POM121C: variants seen among roughly 807,000 people sequenced by gnomAD.
POM121C encodes the protein nuclear envelope pore membrane protein POM 121C.
In POM121C, 20 loss-of-function variants were observed where a neutral mutation model predicts 66.4. That is an observed-to-expected ratio of 0.30 (90% CI 0.21 to 0.44). The LOEUF (loss-of-function observed/expected upper bound fraction) is 0.44, where lower values mean the gene tolerates loss of function less well. Ranked by LOEUF, POM121C falls within the 20% of genes least tolerant of loss-of-function variation. POM121C has a pLI of 1.00. For synonymous variants in POM121C, 286 were observed against 528.0 expected (o/e 0.54, Z 6.28); for missense variants, 580 against 1,225.7 (o/e 0.47, Z 7.87).
At chr7:75,478,212 A>G (rs1180653499) in intron 1 of POM121C, among the ~76,000 whole-genome samples, 2 of 152,100 alleles carry the variant, frequency 1.3e-5, no homozygotes, top group Non-Finnish European at 2.9e-5. Context: ...TGATCCGCCC[A>G]CCTTAGCCTT....
rs781924937 is a variant in POM121C at position 75,422,165 on chromosome 7, G to A, written c.2087C>T (p.Pro696Leu). The A allele has an allele frequency of 1.6e-4, 251 of 1,604,732 alleles. No individual in the cohort carries two copies. Among genetic ancestry groups the A allele is most frequent in the Middle Eastern group, 1.3e-3 (6 of 4,516 alleles). Residue 696 changes from proline (P) to leucine (L), a missense_variant, in exon 13 of 15, where the codon CCA becomes CTA. Transcript: ENST00000615331. Reference protein sequence around the residue: ...PFGSSAKSPLPSYPGANPQPA... With the variant: ...PFGSSAKSPLLSYPGANPQPA... ...CTGGGGGTTGGCTCCCGGATATGATGGGAGCGGGGACTTGGCGCTTGAGCC... is the reference window on the plus strand; with the variant it reads ...CTGGGGGTTGGCTCCCGGATATGATAGGAGCGGGGACTTGGCGCTTGAGCC...
intron 3 of POM121C, among the ~76,000 whole-genome samples, chr7:75,473,923 T>C (rs1258490218): frequency 1.3e-5 from 2 of 151,984 alleles, no homozygotes; most frequent in African/African-American, 4.8e-5. Context: ...CTCCTGACCT[T>C]GTGATCCGCC....
chr7:75,420,364 T>C (rs1218997998), intron 13 of POM121C: 3 of 152,398 alleles, frequency 2.0e-5, no homozygotes, highest in Non-Finnish European at 2.9e-5. Context: ...CTGAGCTGCA[T>C]CGGGGCACTG....
rs1554470284 is a variant in POM121C, at chr7:75,419,390, T to C, written c.2796A>G (p.Thr932=). 3 of 1,613,836 alleles carry C rather than the reference T, an allele frequency of 1.9e-6. No homozygotes were observed. The highest frequency in any genetic ancestry group is 1.3e-5 in the African/African-American group (1 of 75,032). The change falls in exon 14 of 15, where the codon ACA becomes ACG. Residue 932 remains threonine, a synonymous_variant. Coordinates refer to ENST00000615331, the MANE Select transcript of POM121C (RefSeq NM_001099415.3). Reference sequence around the variant, plus strand: ...CCCCAAAGGAGAGGCTGCTGCCCGATGTGCCCACTCCAGGCGCAGGGGTGT... The same window carrying C: ...CCCCAAAGGAGAGGCTGCTGCCCGACGTGCCCACTCCAGGCGCAGGGGTGT... The part of the protein sequence containing the change: ...GQNTPAPGVG[T]SGSSLSFGAS...
intron 1 of POM121C, among the ~76,000 whole-genome samples, chr7:75,485,513 G>C (rs1379676443): frequency 2.0e-5 from 3 of 152,162 alleles, no homozygotes; most frequent in Non-Finnish European, 2.9e-5. Context: ...GGTCTAAGGG[G>C]GGGGATCAGC....
In POM121C at chr7:75,422,018, G is replaced by A. The variant is rs782430246; in HGVS notation, c.2234C>T (p.Thr745Ile). ...CTTGATCGTGGACGCAGGTGCAGGT[G>A]TGGGTGCAGTAGCCGGGGCCGGGGC... Reference protein sequence around the residue: ...SAAPAPATAPTPAPASTIKIV... With the variant: ...SAAPAPATAPIPAPASTIKIV... Residue 745 changes from threonine to isoleucine, a missense_variant, in exon 13 of 15, where the codon ACA becomes ATA. By Grantham distance (89) the Thr-to-Ile change is moderately conservative. Transcript: ENST00000615331. 4 of 1,613,710 alleles carry A rather than the reference G, an allele frequency of 2.5e-6. No homozygotes were observed. The highest frequency in any genetic ancestry group is 1.1e-5 in the South Asian group (1 of 91,076).
rs1171072984 is a variant in POM121C, at chr7:75,440,526, C to T, written c.227+428G>A. 3 of 192,490 alleles carry T rather than the reference C, an allele frequency of 1.6e-5. No individual in the cohort carries two copies. In the Admixed American group the frequency reaches 1.6e-4, roughly 11 times the overall value. 11.9% of individuals were successfully genotyped at this position (192,490 alleles called of 1,614,324 possible). On this transcript the variant is annotated intron_variant, in intron 5 of 14. Coordinates refer to ENST00000615331, the MANE Select transcript of POM121C (RefSeq NM_001099415.3). ...GAGCTTGCAGTGAGCTGAGATCGGG[C>T]CACTGCACTCCAGCCTGGGGGACAG...
At position 75,442,742 on chromosome 7, in the gene POM121C, G is replaced by C. The variant is rs1450419759; in HGVS notation, c.-151-1095C>G. 34 of 1,343,210 alleles carry C rather than the reference G, an allele frequency of 2.5e-5. No homozygotes were observed. The African/African-American group carries it at 3.7e-4, about 15-fold the overall frequency. 83.2% of individuals were successfully genotyped at this position (1,343,210 alleles called of 1,614,324 possible). On this transcript the variant is annotated intron_variant, in intron 3 of 14. Transcript: ENST00000615331. ...CATCGCGGCTCCGCGCCGCGGAGGA[G>C]ACTTAAATATCCCAGCGTGCACCGC...
chr7:75,424,549 T>C lies in POM121C; in HGVS notation c.848A>G (p.Asn283Ser), dbSNP rs782238143. ...ACCACTCTTGTCCTCCAAGGCCTGG[T>C]TGAACCACTGTAATGAAGCCTTCTT... ...LEKKASLQWFNQALEDKSDAA... is the reference protein window; with the variant it reads ...LEKKASLQWFSQALEDKSDAA... Residue 283 changes from asparagine to serine, a missense_variant, in exon 11 of 15, where the codon AAC (asparagine) becomes AGC (serine). Coordinates refer to ENST00000615331, the MANE Select transcript of POM121C (RefSeq NM_001099415.3). 4.4e-5 allele frequency: 71 copies of C among 1,613,862 alleles called. 1 individual carries two copies. The highest frequency in any genetic ancestry group is 1.6e-4 in the Middle Eastern group (1 of 6,078).
intron 3 of POM121C, among the ~76,000 whole-genome samples, chr7:75,462,831 A>C (rs1269221377): frequency 4.6e-5 from 7 of 151,652 alleles, no homozygotes; most frequent in African/African-American, 9.8e-5. Context: ...ATGGGAGAAG[A>C]AGCTGTGGAG....
intron 3 of POM121C, among the ~76,000 whole-genome samples, chr7:75,448,811 A>C (rs1179608719): frequency 3.3e-5 from 5 of 151,678 alleles, no homozygotes; most frequent in Admixed American, 6.6e-5. Context: ...AAAAAAAAAA[A>C]ACCAAATAAT....
chr7:75,458,318 C>T (rs1463685751), intron 3 of POM121C, among the ~76,000 whole-genome samples: 1 of 152,152 alleles, frequency 6.6e-6, no homozygotes, highest in African/African-American at 2.4e-5. Context: ...ACACTTGAGC[C>T]CAGGAGTTCA....
rs1320555318 is a variant in POM121C, at chr7:75,465,610, G to A, written c.-152+9094C>T. Reference sequence around the variant, plus strand: ...TCTACTGAAAAGACAAAAATTAGCCGGGCATGGTGGCAGGCACTTGTAATC... The same window carrying A: ...TCTACTGAAAAGACAAAAATTAGCCAGGCATGGTGGCAGGCACTTGTAATC... On this transcript the variant is annotated intron_variant, in intron 3 of 14. Transcript: ENST00000615331. Among the ~76,000 whole-genome samples the A allele has an allele frequency of 8.6e-5, 13 of 151,456 alleles. No homozygotes were observed. The South Asian group carries it at 1.0e-3, about 12-fold the overall frequency.
intron 1 of POM121C, chr7:75,484,264 G>A (rs199560242): frequency 6.0e-5 from 94 of 1,579,258 alleles, no homozygotes; most frequent in Non-Finnish European, 7.7e-5. Flanking sequence ...GACCTAGAGG[G>A]GCAGAAGCAG....
intron 3 of POM121C, chr7:75,442,712 G>A (rs1359593956): frequency 4.5e-5 from 62 of 1,375,724 alleles, no homozygotes; most frequent in Non-Finnish European, 4.9e-5. Context: ...CGCAGCCGCC[G>A]GAGACATCGC....
Position 75,439,175 on chromosome 7 carries a change from C to A in POM121C, c.277G>T (p.Ala93Ser). ...ACAAAAGAAGCGGGGACTCCACTGG[C>A]CACCAGGGGCTCAAATGCTGAATGT... The part of the protein sequence containing the change: ...SGHSAFEPLV[A>S]SGVPASFVPK... The change falls in exon 6 of 15, where the codon GCC becomes TCC. Residue 93 changes from alanine (A) to serine (S), a missense_variant. Ala to Ser is a moderately conservative substitution (Grantham distance 99). Transcript: ENST00000615331. The A allele has an allele frequency of 6.2e-7, 1 of 1,614,238 alleles. No homozygotes were observed. Among genetic ancestry groups the A allele is most frequent in the Non-Finnish European group, 8.5e-7 (1 of 1,180,046 alleles).
rs34253601 is a variant in POM121C at position 75,431,074 on chromosome 7, CAAAAAAAAAA to C, written c.481-4631_481-4622del. On this transcript the variant is annotated intron_variant, in intron 7 of 14. Coordinates refer to ENST00000615331, the MANE Select transcript of POM121C (RefSeq NM_001099415.3). ...CTGGTGACAGAGCGAGACTCTGTCT[CAAAAAAAAAA>C]AAAAAAAAAAAAAAAAAGAGCCAAG... 3.9e-3 allele frequency among the ~76,000 whole-genome samples: 232 copies of C among 59,730 alleles called. 2 individuals carry two copies. Among genetic ancestry groups the C allele is most frequent in the African/African-American group, 0.014 (220 of 15,276 alleles). 39.2% of individuals were successfully genotyped at this position (59,730 alleles called of 152,430 possible).
At chr7:75,471,176 CCACTG>C (rs1174603744) in intron 3 of POM121C, among the ~76,000 whole-genome samples, 1 of 152,098 alleles carries the variant, frequency 6.6e-6, no homozygotes, top group African/African-American at 2.4e-5. Context: ...CAGTTGGGAG[CCACTG>C]AAAGTTTTTG....
At chr7:75,425,550 T>G (rs1319406700) in intron 9 of POM121C, 85 bp downstream of exon 9, 13 of 1,278,962 alleles carry the variant, frequency 1.0e-5, no homozygotes, top group Non-Finnish European at 1.4e-5. Flanking sequence ...GCTCAAGACC[T>G]TTTTTCAATA....
Sources: allele counts gnomAD v4.1 joint callset (sites outside exome capture counted in the v4.1 genomes callset), GRCh38; gene constraint gnomAD v4.1.1; transcripts MANE v1.5; gene names NCBI Gene and HGNC (gene_info 2026-07-23, HGNC 2026-07-21).